The following MED6 variants were observed in gnomAD, a reference collection of about 807,000 sequenced individuals.
MED6 encodes the protein mediator complex subunit 6, also known as mediator of RNA polymerase II transcription subunit 6.
Under a neutral mutation model 37.5 loss-of-function variants are expected in MED6, and 33 were observed. The observed-to-expected ratio is 0.88, with a 90% CI of 0.67 to 1.18. The LOEUF is 1.18. Ranked by LOEUF, MED6 falls within the 50% of genes most tolerant of loss-of-function variation. The pLI, the probability that MED6 is intolerant of heterozygous loss-of-function variation, is 0.00. For missense variants in MED6, 235 were observed against 290.6 expected, an observed-to-expected ratio of 0.81 and a Z score of 1.39; for synonymous variants, 94 against 93.6, an observed-to-expected ratio of 1.00 and a Z score of -0.02.
rs988814602 is a variant in MED6 at position 70,583,282 on chromosome 14, A to C, written c.*1531T>G. The C allele has an allele frequency of 2.6e-4, 40 of 152,358 alleles. 1 individual carries two copies. Among genetic ancestry groups the C allele is most frequent in the Admixed American group, 1.6e-3 (25 of 15,310 alleles). The allele number at this position is 152,358 out of a possible 1,614,324, so 9.4% of individuals were successfully genotyped here. A position where few individuals can be genotyped will look rare whatever the true frequency, so the allele number is the denominator to read the frequency against. On this transcript the variant is annotated 3_prime_UTR_variant, in exon 8 of 8. Coordinates refer to ENST00000256379, the MANE Select transcript of MED6 (RefSeq NM_005466.4). ...CAAAATAAGAAGTTGAAAGACAAAA[A>C]TCTCACACAATACATAAAATTAGAC...
intron 6 of MED6, among the ~76,000 whole-genome samples, chr14:70,586,884 G>A (rs1037740373): frequency 1.3e-5 from 2 of 152,314 alleles, no homozygotes; most frequent in Non-Finnish European, 2.9e-5. Flanking sequence ...ACTTAGAAAG[G>A]CCTGCTTGCA....
At chr14:70,594,921 C>A in intron 3 of MED6, 2 of 612,724 alleles carry the variant, frequency 3.3e-6, no homozygotes, top group South Asian at 1.4e-5. Context: ...AGAAGGGACC[C>A]CAGGTCAGAG....
chr14:70,598,792 TGTATGCCCAA>T (rs879529706), intron 1 of MED6, among the ~76,000 whole-genome samples: 2 of 152,128 alleles, frequency 1.3e-5, no homozygotes, highest in African/African-American at 2.4e-5. Flanking sequence ...TCAAATAACA[TGTATGCCCAA>T]GAGAACACAT....
At chr14:70,594,382 T>A (rs1027411135) in intron 3 of MED6, among the ~76,000 whole-genome samples, 8 of 152,230 alleles carry the variant, frequency 5.3e-5, no homozygotes, top group African/African-American at 1.9e-4. Context: ...AGGCTTTTAG[T>A]TGAATGCATC....
chr14:70,594,767 A>C, intron 3 of MED6: 2 of 553,820 alleles, frequency 3.6e-6, no homozygotes, highest in East Asian at 7.2e-5. Context: ...TCTAGCAGGA[A>C]TGGGAGGCAT....
chr14:70,600,606 T>G lies in MED6; in HGVS notation c.22+10A>C, dbSNP rs762749752. ...ACAATCAAGAGACAAAATATAGCAA[T>G]ACAGTATACCTCGGATATCCACCGC... is the stretch of plus-strand genomic sequence containing the variant. On this transcript the variant is annotated intron_variant, in intron 1 of 7. Coordinates refer to ENST00000256379, the MANE Select transcript of MED6 (RefSeq NM_005466.4). The G allele has an allele frequency of 6.2e-7, 1 of 1,613,024 alleles. No homozygotes were observed. Among genetic ancestry groups the G allele is most frequent in the South Asian group, 1.1e-5 (1 of 90,986 alleles).
At chr14:70,600,192 C>T (rs1039939824) in intron 1 of MED6, among the ~76,000 whole-genome samples, 1 of 152,110 alleles carries the variant, frequency 6.6e-6, no homozygotes, top group Non-Finnish European at 1.5e-5. Flanking sequence ...GCTCAGGGAC[C>T]CGTGTGGCGC....
chr14:70,597,103 C>A (rs4902830), intron 2 of MED6, among the ~76,000 whole-genome samples: 2,665 of 152,214 alleles, frequency 0.018, 72 homozygotes, highest in African/African-American at 0.059. Context: ...TAGAAAACAT[C>A]AAAAACTTTA....
chr14:70,588,560 C>A (rs1437090499), intron 6 of MED6, among the ~76,000 whole-genome samples: 1 of 151,798 alleles, frequency 6.6e-6, no homozygotes, highest in South Asian at 2.1e-4. Flanking sequence ...GTGGCAGGTG[C>A]CTGTAGTCCC....
chr14:70,595,108 T>C, intron 3 of MED6: 1 of 533,314 alleles, frequency 1.9e-6, no homozygotes, highest in South Asian at 1.5e-5. Flanking sequence ...CCATGGGCTC[T>C]GCAAGGTCAA....
At chr14:70,586,963 T>C (rs1884726748) in intron 6 of MED6, among the ~76,000 whole-genome samples, 1 of 152,212 alleles carries the variant, frequency 6.6e-6, no homozygotes, top group Non-Finnish European at 1.5e-5. Flanking sequence ...CTGGTAATAG[T>C]GGCTCACTGT....
Position 70,596,654 on chromosome 14 carries a change from A to T in MED6, c.231T>A (p.Ile77=). 1 of 1,614,066 alleles carries T rather than the reference A, an allele frequency of 6.2e-7. No homozygotes were observed. Among genetic ancestry groups the T allele is most frequent in the Non-Finnish European group, 8.5e-7 (1 of 1,179,946 alleles). ...EYILLHAQEP[I]LFIIRKQQRQ... is the part of the protein sequence containing the mutation. The stretch of plus-strand genomic sequence containing the variant: ...GCTGTTGCTTCCGAATGATGAAAAG[A>T]ATGGGCTCTTGAGCATGCAAAAGGA... The change falls in exon 3 of 8, where the codon ATT becomes ATA. Residue 77 remains isoleucine, a synonymous_variant. Coordinates refer to ENST00000256379, the MANE Select transcript of MED6 (RefSeq NM_005466.4).
At chr14:70,596,438 T>C in intron 3 of MED6, 173 bp downstream of exon 3, 1 of 524,408 alleles carries the variant, frequency 1.9e-6, no homozygotes, top group Non-Finnish European at 3.4e-6. Context: ...AAATCTTAGC[T>C]GTAAGTACAA....
At chr14:70,593,130 T>C (rs771422602) in intron 4 of MED6, 142 bp from the exon 5 acceptor site, 192 of 1,315,136 alleles carry the variant, frequency 1.5e-4, no homozygotes, top group Non-Finnish European at 1.8e-4. Flanking sequence ...CTATGAAATA[T>C]ACTTTGAGCA....
chr14:70,591,505 GA>G (rs1884869553), intron 5 of MED6, 124 bp from the exon 6 acceptor site: 1 of 707,256 alleles, frequency 1.4e-6, no homozygotes, highest in Admixed American at 3.2e-5. Context: ...CTATACCAAA[GA>G]TAATTCCCAA....
At chr14:70,600,450 A>C (rs936610945) in intron 1 of MED6, among the ~76,000 whole-genome samples, 166 bp downstream of exon 1, 2 of 151,670 alleles carry the variant, frequency 1.3e-5, no homozygotes, top group Non-Finnish European at 1.5e-5. Flanking sequence ...AAAAAAAAAA[A>C]AACTCGTCAA....
chr14:70,598,050 T>C (rs79180225), intron 1 of MED6, among the ~76,000 whole-genome samples: 1 of 152,014 alleles, frequency 6.6e-6, no homozygotes, highest in East Asian at 1.9e-4. Flanking sequence ...ATGCCAGCAC[T>C]TTAGGGGGCT....
At chr14:70,596,542 T>A (rs1035049450) in intron 3 of MED6, 69 bp downstream of exon 3, 1 of 1,254,018 alleles carries the variant, frequency 8.0e-7, no homozygotes, top group Non-Finnish European at 1.1e-6. Flanking sequence ...AAAAAACAAG[T>A]TAGGTCAGGA....
chr14:70,595,550 C>T lies in MED6; in HGVS notation c.274+1061G>A, dbSNP rs893422340. The T allele has an allele frequency of 1.6e-5, 11 of 702,624 alleles. No individual in the cohort carries two copies. The African/African-American group carries it at 1.9e-4, about 12-fold the overall frequency. The allele number at this position is 702,624 out of a possible 1,614,324, so 43.5% of individuals were successfully genotyped here. ...GCTATACCCTGCAGATGGAGCAGCT[C>T]AACAGGATCCTGCTGTACCTGGAGT... On this transcript the variant is annotated intron_variant, in intron 3 of 7. Coordinates refer to ENST00000256379, the MANE Select transcript of MED6 (RefSeq NM_005466.4).
Sources: allele counts gnomAD v4.1 joint callset (sites outside exome capture counted in the v4.1 genomes callset), GRCh38; gene constraint gnomAD v4.1.1; transcripts MANE v1.5; gene names NCBI Gene and HGNC (gene_info 2026-07-23, HGNC 2026-07-21).